TBCK: variants seen among roughly 807,000 people sequenced by gnomAD.
The protein encoded by TBCK is TBC1 domain containing kinase.
A neutral mutation model predicts 113.4 loss-of-function variants in TBCK; 99 were observed. The ratio of observed to expected loss-of-function variants is 0.87; its 90% CI spans 0.74 to 1.03. TBCK has a LOEUF of 1.03. Ranked by LOEUF, TBCK falls within the 50% of genes least tolerant of loss-of-function variation. The pLI is 0.00. For synonymous variants in TBCK, 369 were observed against 370.8 expected, an observed-to-expected ratio of 1.00 and a Z score of 0.05; for missense variants, 1,045 against 1,061.3, an observed-to-expected ratio of 0.98 and a Z score of 0.21.
At chr4:106,155,965 C>T (rs1175521607) in intron 23 of TBCK, among the ~76,000 whole-genome samples, 2 of 152,042 alleles carry the variant, frequency 1.3e-5, no homozygotes, top group Non-Finnish European at 2.9e-5. Flanking sequence ...TGTGTCTGGA[C>T]ATTGAAGAGT....
At position 106,212,762 on chromosome 4, in the gene TBCK, A is replaced by G. The variant is rs17036613; in HGVS notation, c.1848T>C (p.Gly616=). ...ACCAAGTACTTACATCTGGAATGAA[A>G]CCAATCTCATTGAGATGATTACTCA... ...PELSNHLNEI[G]FIPDLYAIPW... is the part of the protein sequence containing the mutation. The change falls in exon 20 of 26, where the codon GGT becomes GGC. Residue 616 remains glycine (G), a synonymous_variant. Transcript: ENST00000394708. The G allele has an allele frequency of 0.18, 292,443 of 1,606,236 alleles. 27,925 individuals are homozygous for G. Among genetic ancestry groups the G allele is most frequent in the African/African-American group, 0.27 (20,012 of 74,670 alleles).
chr4:106,088,522 G>A (rs1739782469), intron 25 of TBCK, among the ~76,000 whole-genome samples: 1 of 152,182 alleles, frequency 6.6e-6, no homozygotes, highest in African/African-American at 2.4e-5. Context: ...TTCAACCATT[G>A]TAGAAGACAG....
chr4:106,097,896 A>C (rs1741118083), intron 24 of TBCK, among the ~76,000 whole-genome samples: 1 of 152,068 alleles, frequency 6.6e-6, no homozygotes, highest in African/African-American at 2.4e-5. Context: ...AATAGAAGAA[A>C]ATTTTTGACA....
intron 25 of TBCK, among the ~76,000 whole-genome samples, chr4:106,071,587 G>C: frequency 6.6e-6 from 1 of 152,166 alleles, no homozygotes; most frequent in East Asian, 1.9e-4. Context: ...GATTTGGGCT[G>C]AAGAGTTCTG....
intron 12 of TBCK, among the ~76,000 whole-genome samples, chr4:106,239,518 T>C (rs562951972): frequency 1.1e-4 from 17 of 152,100 alleles, no homozygotes; most frequent in African/African-American, 3.6e-4. Flanking sequence ...GGGATAGGTG[T>C]GGCGTTGCTA....
rs1742193812 is a variant in TBCK at position 106,106,620 on chromosome 4, T to C, written c.2411+9583A>G. On this transcript the variant is annotated intron_variant, in intron 24 of 25. Transcript: ENST00000394708. ...TAAGGGACTTCATTACTACCAGACC[T>C]GCCTTACAAGAGATCTTGAAAGCAG... is the stretch of plus-strand genomic sequence containing the variant. 3.3e-5 allele frequency among the ~76,000 whole-genome samples: 5 copies of C among 152,244 alleles called. No individual in the cohort carries two copies. In the South Asian group the frequency reaches 1.0e-3, roughly 31 times the overall value.
At chr4:106,256,615 A>G (rs1008888781) in intron 5 of TBCK, among the ~76,000 whole-genome samples, 2 of 151,884 alleles carry the variant, frequency 1.3e-5, no homozygotes, top group Non-Finnish European at 2.9e-5. Context: ...GGCCCCCAAG[A>G]GCACAGGGAG....
intron 23 of TBCK, among the ~76,000 whole-genome samples, chr4:106,137,586 C>G (rs1294641933): frequency 7.1e-6 from 1 of 140,494 alleles, no homozygotes; most frequent in Non-Finnish European, 1.6e-5. Context: ...TTCAAGTTTT[C>G]ATTTCTCCCT....
chr4:106,116,132 C>T lies in TBCK; in HGVS notation c.2411+71G>A, dbSNP rs573324545. 2.1e-6 allele frequency: 3 copies of T among 1,427,580 alleles called. No individual in the cohort carries two copies. The African/African-American group carries it at 4.3e-5, about 21-fold the overall frequency. The allele number at this position is 1,427,580 out of a possible 1,614,324, so 88.4% of individuals were successfully genotyped here. A position where few individuals can be genotyped will look rare whatever the true frequency, so the allele number is the denominator to read the frequency against. On this transcript the variant is annotated intron_variant, in intron 24 of 25. Transcript: ENST00000394708. ...CCAGAATTTTTTTTTTTTAACCACA[C>T]AACACTTAAATGAAAGGATGCAATA...
At chr4:106,296,294 T>C (rs1048805571) in intron 2 of TBCK, among the ~76,000 whole-genome samples, 1 of 152,142 alleles carries the variant, frequency 6.6e-6, no homozygotes, top group African/African-American at 2.4e-5. Flanking sequence ...TGTCAGTATC[T>C]ATGCAAAACA....
chr4:106,049,266 T>C (rs1734545819), intron 25 of TBCK, among the ~76,000 whole-genome samples: 1 of 152,028 alleles, frequency 6.6e-6, no homozygotes, highest in South Asian at 2.1e-4. Context: ...GAGATAGTAT[T>C]AGACAATTAA....
In TBCK at chr4:106,247,845, T is replaced by G. The variant is rs576636714; in HGVS notation, c.782+400A>C. The G allele has an allele frequency of 5.8e-4, 91 of 157,422 alleles. No homozygotes were observed. In the Middle Eastern group the frequency reaches 0.013, roughly 22 times the overall value. 9.8% of individuals were successfully genotyped at this position (157,422 alleles called of 1,614,324 possible). On this transcript the variant is annotated intron_variant, in intron 9 of 25. Transcript: ENST00000394708. ...TAATGAAACTTCTAAGAAATCCTTT[T>G]TTATTGTCAACAATTGTTAGTTTAT... is the stretch of plus-strand genomic sequence containing the variant.
In TBCK at chr4:106,153,717, T is replaced by C. The variant is rs978409450; in HGVS notation, c.2235+17378A>G. ...GTTCCATCTCTCTCTTTAGTGCTAA[T>C]AAGTTGGGTACTCCAGTACTGAATT... On this transcript the variant is annotated intron_variant, in intron 23 of 25. Coordinates refer to ENST00000394708, the MANE Select transcript of TBCK (RefSeq NM_001163435.3). 3.3e-5 allele frequency among the ~76,000 whole-genome samples: 5 copies of C among 152,122 alleles called. No individual in the cohort carries two copies. In the East Asian group the frequency reaches 9.6e-4, roughly 29 times the overall value.
In TBCK at chr4:106,043,320, T is replaced by C. The variant is rs2149435318; in HGVS notation, c.*3250A>G. ...GCTGGATGGGACTTTAGAGATCCTT[T>C]TTTCACTCCATGAATTGAGATTTCA... On this transcript the variant is annotated 3_prime_UTR_variant, in exon 26 of 26. Coordinates refer to ENST00000394708, the MANE Select transcript of TBCK (RefSeq NM_001163435.3). The C allele has an allele frequency of 1.3e-5, 2 of 152,302 alleles. No homozygotes were observed. Among genetic ancestry groups the C allele is most frequent in the South Asian group, 4.2e-4 (2 of 4,818 alleles). The allele number at this position is 152,302 out of a possible 1,614,324, so 9.4% of individuals were successfully genotyped here.
At chr4:106,134,008 C>T (rs1746266216) in intron 23 of TBCK, among the ~76,000 whole-genome samples, 1 of 145,626 alleles carries the variant, frequency 6.9e-6, no homozygotes, top group Admixed American at 7.0e-5. Context: ...GAGATTCCGT[C>T]TCAAACAAAA....
intron 1 of TBCK, among the ~76,000 whole-genome samples, chr4:106,313,956 A>G (rs1768467627): frequency 6.6e-6 from 1 of 152,240 alleles, no homozygotes; most frequent in Non-Finnish European, 1.5e-5. Context: ...TTGATATCAT[A>G]AATAATCTCC....
At chr4:106,278,639 T>C (rs897427072) in intron 3 of TBCK, among the ~76,000 whole-genome samples, 1 of 151,454 alleles carries the variant, frequency 6.6e-6, no homozygotes, top group Non-Finnish European at 1.5e-5. Context: ...TTTCTTCATT[T>C]CTCAAAGTCT....
intron 3 of TBCK, among the ~76,000 whole-genome samples, chr4:106,291,092 T>C (rs367907789): frequency 1.3e-5 from 2 of 152,292 alleles, no homozygotes; most frequent in South Asian, 4.1e-4. Flanking sequence ...TGGTAGGCTT[T>C]TGAGTGGCAA....
intron 3 of TBCK, among the ~76,000 whole-genome samples, chr4:106,265,510 G>C (rs1762915020): frequency 7.7e-6 from 1 of 129,502 alleles, no homozygotes; most frequent in South Asian, 2.3e-4. Context: ...AATTCCAGGA[G>C]AGAGAGAGAT....
Sources: gnomAD v4.1 joint callset for allele counts (sites outside exome capture counted in the v4.1 genomes callset) on GRCh38, gnomAD v4.1.1 for gene constraint, MANE v1.5 for transcripts, NCBI Gene and HGNC (gene_info 2026-07-23, HGNC 2026-07-21) for gene names.